Variants in RCAN1 observed in about 807,000 individuals in gnomAD.
RCAN1 encodes regulator of calcineurin 1.
In RCAN1, 11 loss-of-function variants were observed where a neutral mutation model predicts 22.9. That is an observed-to-expected ratio of 0.48 (90% confidence interval 0.30 to 0.79). The LOEUF (loss-of-function observed/expected upper bound fraction) is 0.79. RCAN1 is among the 30% of genes least tolerant of loss of function. RCAN1 has a pLI of 0.06. For synonymous variants in RCAN1, 136 were observed against 142.3 expected, an observed-to-expected ratio of 0.96 and a Z score of 0.32; for missense variants, 291 against 337.8, an observed-to-expected ratio of 0.86 and a Z score of 1.09.
intron 1 of RCAN1, among the ~76,000 whole-genome samples, chr21:34,574,897 T>G (rs1987359602): frequency 6.6e-6 from 1 of 152,194 alleles, no homozygotes; most frequent in African/African-American, 2.4e-5. Context: ...GCATAAACCG[T>G]ACTGACAACT....
In RCAN1 at chr21:34,517,842, T is replaced by C. The variant is rs941234788; in HGVS notation, c.*242A>G. 8.9e-6 allele frequency: 5 copies of C among 560,012 alleles called. No individual in the cohort carries two copies. The highest frequency in any genetic ancestry group is 1.3e-5 in the Non-Finnish European group (4 of 313,702). The allele number at this position is 560,012 out of a possible 1,614,324, so 34.7% of individuals were successfully genotyped here. A position where few individuals can be genotyped will look rare whatever the true frequency, so the allele number is the denominator to read the frequency against. ...TTTCTCAAGACAGTCCCAAATGTCC[T>C]TGTGCGATCACCACAAACTCAGTGA... On this transcript the variant is annotated 3_prime_UTR_variant, in exon 4 of 4. Transcript: ENST00000313806.
At chr21:34,577,151 G>C (rs1266870456) in intron 1 of RCAN1, among the ~76,000 whole-genome samples, 4 of 152,244 alleles carry the variant, frequency 2.6e-5, no homozygotes. Flanking sequence ...TGAGCTGAGT[G>C]AGGGAGAAGC....
intron 1 of RCAN1, among the ~76,000 whole-genome samples, chr21:34,587,111 C>A (rs1987826661): frequency 6.6e-6 from 1 of 152,024 alleles, no homozygotes; most frequent in African/African-American, 2.4e-5. Flanking sequence ...ATTGTCACTA[C>A]CAGGATTGAA....
chr21:34,572,013 A>T (rs1987251076), intron 1 of RCAN1, among the ~76,000 whole-genome samples: 1 of 152,156 alleles, frequency 6.6e-6, no homozygotes, highest in African/African-American at 2.4e-5. Context: ...TTTCAAGAAG[A>T]GCTCCCTTTT....
chr21:34,564,697 A>G (rs1986940213), intron 1 of RCAN1, among the ~76,000 whole-genome samples: 1 of 152,212 alleles, frequency 6.6e-6, no homozygotes, highest in African/African-American at 2.4e-5. Flanking sequence ...TTATTTTTCT[A>G]TGAAGTTTAT....
chr21:34,610,539 T>G lies in RCAN1; in HGVS notation c.252+4221A>C, dbSNP rs565672627. 2.0e-5 allele frequency among the ~76,000 whole-genome samples: 3 copies of G among 152,294 alleles called. No individual in the cohort carries two copies. In the South Asian group the frequency reaches 6.2e-4, roughly 32 times the overall value. On this transcript the variant is annotated intron_variant, in intron 1 of 3. Coordinates refer to ENST00000313806, the MANE Select transcript of RCAN1 (RefSeq NM_004414.7). ...AAAGGGTAAGTCATCTAGCTAGAAGTGGAGCTTCATCAAATTTTCAGTGAT... is the reference window on the plus strand; with the variant it reads ...AAAGGGTAAGTCATCTAGCTAGAAGGGGAGCTTCATCAAATTTTCAGTGAT...
At chr21:34,590,708 C>A (rs551844045) in intron 1 of RCAN1, among the ~76,000 whole-genome samples, 4 of 152,352 alleles carry the variant, frequency 2.6e-5, no homozygotes, top group African/African-American at 9.6e-5. Flanking sequence ...CTGAGAAAGG[C>A]TGATCTGTCA....
intron 1 of RCAN1, among the ~76,000 whole-genome samples, chr21:34,579,726 T>C (rs1405131051): frequency 6.6e-6 from 1 of 152,156 alleles, no homozygotes; most frequent in East Asian, 1.9e-4. Flanking sequence ...AAATGAATTA[T>C]TCGAGAGTCT....
chr21:34,564,531 A>C (rs1007778346), intron 1 of RCAN1, among the ~76,000 whole-genome samples: 4 of 152,174 alleles, frequency 2.6e-5, no homozygotes, highest in African/African-American at 9.6e-5. Context: ...GGAGGCAGGG[A>C]CAGACAGCCA....
rs559231261 is a variant in RCAN1 at position 34,580,499 on chromosome 21, C to T, written c.252+34261G>A. ...TAAAATATCACCACAGCTCACTTGC[C>T]CGGCTATTATCCAGTCACGTCCTCC... is the stretch of plus-strand genomic sequence containing the variant. On this transcript the variant is annotated intron_variant, in intron 1 of 3. Coordinates refer to ENST00000313806, the MANE Select transcript of RCAN1 (RefSeq NM_004414.7). Among the ~76,000 whole-genome samples the T allele has an allele frequency of 2.0e-5, 3 of 152,298 alleles. No individual in the cohort carries two copies. In the South Asian group the frequency reaches 6.2e-4, roughly 32 times the overall value.
chr21:34,589,888 T>A (rs1987916057), intron 1 of RCAN1, among the ~76,000 whole-genome samples: 1 of 152,252 alleles, frequency 6.6e-6, no homozygotes, highest in Non-Finnish European at 1.5e-5. Context: ...TCAGCCTCCA[T>A]AATTATGTAA....
intron 1 of RCAN1, among the ~76,000 whole-genome samples, chr21:34,564,045 G>T (rs1339867014): frequency 6.6e-6 from 1 of 152,008 alleles, no homozygotes; most frequent in Non-Finnish European, 1.5e-5. Context: ...CCGCATGGCT[G>T]GGGAGGCCTC....
At chr21:34,556,658 C>T (rs970286279) in intron 1 of RCAN1, among the ~76,000 whole-genome samples, 8 of 152,054 alleles carry the variant, frequency 5.3e-5, no homozygotes, top group Admixed American at 4.6e-4. Context: ...TTTATTTTTG[C>T]AATCATTGTA....
rs538829402 is a variant in RCAN1 at position 34,546,376 on chromosome 21, T to G, written c.253-22666A>C. Among the ~76,000 whole-genome samples, 93 of 151,940 alleles carry G rather than the reference T, an allele frequency of 6.1e-4. No individual in the cohort carries two copies. The Middle Eastern group carries it at 0.01, about 17-fold the overall frequency. Reference sequence around the variant, plus strand: ...ATTTGTTGGCAGTTACTTATTAGTTTTTTTTTTTTTTTAGAAATGTAAAAA... The same window carrying G: ...ATTTGTTGGCAGTTACTTATTAGTTGTTTTTTTTTTTTAGAAATGTAAAAA... On this transcript the variant is annotated intron_variant, in intron 1 of 3. Coordinates refer to ENST00000313806, the MANE Select transcript of RCAN1 (RefSeq NM_004414.7).
chr21:34,527,801 C>G (rs1236225237), intron 1 of RCAN1, among the ~76,000 whole-genome samples: 1 of 138,882 alleles, frequency 7.2e-6, no homozygotes, highest in Non-Finnish European at 1.5e-5. Flanking sequence ...AATAATGGAA[C>G]ACTAGGCATA....
intron 1 of RCAN1, among the ~76,000 whole-genome samples, chr21:34,528,169 T>A (rs1012759815): frequency 6.6e-6 from 1 of 152,226 alleles, no homozygotes; most frequent in Non-Finnish European, 1.5e-5. Flanking sequence ...TTAAATGGAA[T>A]CCTGCCATTC....
intron 1 of RCAN1, among the ~76,000 whole-genome samples, chr21:34,534,359 C>T (rs1457314070): frequency 6.6e-6 from 1 of 151,976 alleles, no homozygotes; most frequent in African/African-American, 2.4e-5. Context: ...CCTCCAGGAG[C>T]TCCCCCATCC....
intron 1 of RCAN1, among the ~76,000 whole-genome samples, chr21:34,599,797 GTGACAAT>G (rs1299188096): frequency 6.6e-6 from 1 of 152,170 alleles, no homozygotes; most frequent in East Asian, 1.9e-4. Context: ...TCTAACGAAT[GTGACAAT>G]CTATAGTTGG....
At chr21:34,559,295 A>C (rs1438511493) in intron 1 of RCAN1, 1 of 152,228 alleles carries the variant, frequency 6.6e-6, no homozygotes, top group Non-Finnish European at 1.5e-5. Flanking sequence ...TCTTTCTGTA[A>C]GAAGAGCCCT....
Sources: allele counts gnomAD v4.1 joint callset (sites outside exome capture counted in the v4.1 genomes callset), GRCh38; gene constraint gnomAD v4.1.1; transcripts MANE v1.5; gene names NCBI Gene and HGNC (gene_info 2026-07-23, HGNC 2026-07-21).